The following TTBK2 variants were observed in gnomAD, a reference collection of about 807,000 sequenced individuals.
The protein encoded by TTBK2 is tau-tubulin kinase 2.
In TTBK2, 28 loss-of-function variants were observed where a neutral mutation model predicts 110.8. That is an observed-to-expected ratio of 0.25 (90% CI 0.19 to 0.35). TTBK2 has a LOEUF of 0.35. Among genes scored for constraint, TTBK2 ranks in the 10% least tolerant of loss-of-function variants. TTBK2 has a pLI of 1.00. For synonymous variants in TTBK2, 532 were observed against 527.3 expected (o/e 1.01, Z -0.12); for missense variants, 1,369 against 1,500.3 (o/e 0.91, Z 1.45).
intron 1 of TTBK2, among the ~76,000 whole-genome samples, chr15:42,902,556 T>C (rs571533676): frequency 9.9e-5 from 15 of 151,752 alleles, no homozygotes; most frequent in African/African-American, 3.4e-4. Context: ...GAGACACCAG[T>C]TCACTTCCAT....
chr15:42,889,903 C>T (rs1465269790), intron 1 of TTBK2, among the ~76,000 whole-genome samples: 1 of 152,138 alleles, frequency 6.6e-6, no homozygotes, highest in Non-Finnish European at 1.5e-5. Flanking sequence ...AATTTTTCGC[C>T]ACTCCAACAC....
chr15:42,872,828 T>C, intron 2 of TTBK2, 70 bp from the exon 3 acceptor site: 2 of 1,537,764 alleles, frequency 1.3e-6, no homozygotes, highest in Non-Finnish European at 1.8e-6. Context: ...AATTGATCTC[T>C]TATATTTAGA....
intron 11 of TTBK2, among the ~76,000 whole-genome samples, chr15:42,780,211 T>C (rs1375442871): frequency 1.3e-4 from 19 of 146,624 alleles, no homozygotes; most frequent in African/African-American, 4.5e-4. Flanking sequence ...TTTTTTTTTT[T>C]TGGTAGAGAT....
chr15:42,908,760 T>C (rs1194246779), intron 1 of TTBK2, among the ~76,000 whole-genome samples: 2 of 152,180 alleles, frequency 1.3e-5, no homozygotes, highest in South Asian at 2.1e-4. Context: ...AGCAACTCCT[T>C]TACTAGGTAT....
intron 11 of TTBK2, 50 bp from the exon 12 acceptor site, chr15:42,777,292 A>C (rs762793297): frequency 1.9e-6 from 3 of 1,548,940 alleles, no homozygotes; most frequent in Non-Finnish European, 8.9e-7. Context: ...GGCAACACAC[A>C]TGAGAGGAAT....
At chr15:42,877,061 T>C (rs918104215) in intron 2 of TTBK2, among the ~76,000 whole-genome samples, 4 of 152,180 alleles carry the variant, frequency 2.6e-5, no homozygotes, top group Admixed American at 1.3e-4. Flanking sequence ...AAGCAAGTAT[T>C]TATCTTGTTT....
intron 1 of TTBK2, among the ~76,000 whole-genome samples, chr15:42,913,410 C>T (rs1454824671): frequency 6.6e-6 from 1 of 151,968 alleles, no homozygotes. Context: ...TAGGCCGAGG[C>T]GGGCGGATCA....
intron 9 of TTBK2, among the ~76,000 whole-genome samples, chr15:42,799,152 G>C (rs1051097436): frequency 1.3e-5 from 2 of 152,058 alleles, no homozygotes; most frequent in Non-Finnish European, 2.9e-5. Flanking sequence ...AGCGGATCAC[G>C]AGGTCAGGAG....
At chr15:42,888,318 C>T (rs1004646641) in intron 1 of TTBK2, among the ~76,000 whole-genome samples, 1 of 152,092 alleles carries the variant, frequency 6.6e-6, no homozygotes, top group Non-Finnish European at 1.5e-5. Context: ...ATTCCTGGCC[C>T]GGACTTCAAT....
chr15:42,904,584 T>A (rs2030263433), intron 1 of TTBK2, among the ~76,000 whole-genome samples: 2 of 151,960 alleles, frequency 1.3e-5, no homozygotes. Context: ...CCAAAGAAGA[T>A]CAAAATATGG....
intron 9 of TTBK2, chr15:42,801,291 T>C (rs1357372408): frequency 6.5e-7 from 1 of 1,537,346 alleles, no homozygotes; most frequent in South Asian, 1.2e-5. Context: ...CATCAGCTCC[T>C]GGTACTCACG....
intron 4 of TTBK2, among the ~76,000 whole-genome samples, chr15:42,833,247 T>TAAAA (rs35997543): frequency 2.3e-4 from 17 of 74,838 alleles, no homozygotes; most frequent in Admixed American, 7.1e-4. Flanking sequence ...CCAAATTTTG[T>TAAAA]AAAAAAAAAA....
intron 3 of TTBK2, among the ~76,000 whole-genome samples, chr15:42,861,789 T>C (rs952366560): frequency 5.9e-5 from 9 of 151,820 alleles, no homozygotes; most frequent in Admixed American, 6.6e-5. Flanking sequence ...ATACAAATGA[T>C]CAATGAAATA....
At chr15:42,754,030 C>G (rs148882910) in intron 13 of TTBK2, among the ~76,000 whole-genome samples, 1 of 151,656 alleles carries the variant, frequency 6.6e-6, no homozygotes, top group East Asian at 1.9e-4. Flanking sequence ...TATCTTCCTA[C>G]AAGTAAAGAC....
chr15:42,753,157 G>C lies in TTBK2; in HGVS notation c.2089C>G (p.Pro697Ala), dbSNP rs377299672. Residue 697 changes from proline to alanine, a missense_variant, in exon 14 of 15, where the codon CCC (proline) becomes GCC (alanine). Around this residue, in one of 4 missense-constraint regions of TTBK2, gnomAD observed 1,097 missense variants for 1,114.7 expected, o/e 0.98. Transcript: ENST00000267890. ...GQQPEKKDLQ[P>A]MEPTVELYSP... ...TAAAGTTCCACAGTGGGCTCCATGG[G>C]CTGAAGATCTTTCTTCTCTGGCTGC... 2.0e-5 allele frequency: 32 copies of C among 1,604,598 alleles called. No individual in the cohort carries two copies. Among genetic ancestry groups the C allele is most frequent in the Non-Finnish European group, 2.5e-5 (29 of 1,177,308 alleles).
chr15:42,789,882 C>T (rs1214746063), intron 10 of TTBK2, among the ~76,000 whole-genome samples: 1 of 151,904 alleles, frequency 6.6e-6, no homozygotes, highest in Non-Finnish European at 1.5e-5. Context: ...CACACATATA[C>T]ATTTTCTTTA....
chr15:42,756,990 A>C (rs2061956034), intron 13 of TTBK2, among the ~76,000 whole-genome samples: 1 of 152,220 alleles, frequency 6.6e-6, no homozygotes, highest in Non-Finnish European at 1.5e-5. Context: ...ACTGTGCATA[A>C]ACTACTCTCA....
At chr15:42,817,850 T>A (rs1892106032) in intron 6 of TTBK2, among the ~76,000 whole-genome samples, 1 of 152,226 alleles carries the variant, frequency 6.6e-6, no homozygotes, top group Non-Finnish European at 1.5e-5. Flanking sequence ...GAATGCCAGC[T>A]CCCTGAATCC....
chr15:42,877,293 T>C (rs1178210602), intron 2 of TTBK2, among the ~76,000 whole-genome samples: 1 of 151,982 alleles, frequency 6.6e-6, no homozygotes, highest in Non-Finnish European at 1.5e-5. Context: ...CACAATAACA[T>C]TTATGAAAAA....
Sources: allele counts gnomAD v4.1 joint callset (sites outside exome capture counted in the v4.1 genomes callset), GRCh38; gene constraint gnomAD v4.1.1; regional missense constraint gnomAD v4.1.1; transcripts MANE v1.5; gene names NCBI Gene and HGNC (gene_info 2026-07-23, HGNC 2026-07-21).